JPH2: variants seen among roughly 807,000 people sequenced by gnomAD.
JPH2 encodes junctophilin 2.
A neutral mutation model predicts 55.9 loss-of-function variants in JPH2; 38 were observed. The ratio of observed to expected loss-of-function variants is 0.68; its 90% CI spans 0.52 to 0.89. JPH2 has a LOEUF of 0.89. JPH2 is among the 40% of genes least tolerant of loss of function. The probability of loss-of-function intolerance (pLI) is 0.00; values close to 1 mark genes in which losing one functional copy is unlikely to be tolerated. For missense variants in JPH2, 964 were observed against 1,037.6 expected (o/e 0.93, Z 0.97); for synonymous variants, 480 against 472.4 (o/e 1.02, Z -0.21).
At position 44,183,997 on chromosome 20, in the gene JPH2, TA is replaced by T. The variant is rs1366694338; in HGVS notation, c.379+2329del. On this transcript the variant is annotated intron_variant, in intron 1 of 5. Transcript: ENST00000372980. ...CAAAATCCCATTTCTACCAAAAAAT[TA>T]AAAAAAAAAAAATTAGCCAGGTGAG... Among the ~76,000 whole-genome samples, 1,067 of 142,244 alleles carry T rather than the reference TA, an allele frequency of 7.5e-3. 13 individuals carry two copies. Among genetic ancestry groups the T allele is most frequent in the East Asian group, 0.05 (248 of 4,962 alleles). The allele number at this position is 142,244 out of a possible 152,430, so 93.3% of individuals were successfully genotyped here. A position where few individuals can be genotyped will look rare whatever the true frequency, so the allele number is the denominator to read the frequency against.
intron 2 of JPH2, among the ~76,000 whole-genome samples, chr20:44,145,036 G>A (rs1298632220): frequency 6.6e-6 from 1 of 152,222 alleles, no homozygotes; most frequent in East Asian, 1.9e-4. Flanking sequence ...AGGCCAGTGA[G>A]AGTGCAGGAC....
intron 1 of JPH2, among the ~76,000 whole-genome samples, chr20:44,161,646 A>G (rs539708687): frequency 1.3e-5 from 2 of 151,962 alleles, no homozygotes; most frequent in African/African-American, 4.8e-5. Context: ...GAAAGCAAAG[A>G]TATGTGTGTG....
chr20:44,159,568 C>T lies in JPH2; in HGVS notation c.1169+50G>A. On this transcript the variant is annotated intron_variant, in intron 2 of 5. Coordinates refer to ENST00000372980, the MANE Select transcript of JPH2 (RefSeq NM_020433.5). The surrounding 1 kb of genome is among the most constrained non-coding windows in gnomAD (Gnocchi z 5.7). ...CTCCTAGGTTGCCCTGCCCCAGGAC[C>T]CCCTTCTCCGAGGGGAGGCGACCCC... The T allele has an allele frequency of 6.4e-7, 1 of 1,551,512 alleles. No individual in the cohort carries two copies. The highest frequency in any genetic ancestry group is 8.7e-7 in the Non-Finnish European group (1 of 1,151,392).
At chr20:44,119,777 G>C (rs2072221510) in intron 2 of JPH2, among the ~76,000 whole-genome samples, 1 of 151,746 alleles carries the variant, frequency 6.6e-6, no homozygotes, top group African/African-American at 2.4e-5. Flanking sequence ...GGGAGGCTAA[G>C]GCAGGAGAAT....
intron 1 of JPH2, among the ~76,000 whole-genome samples, chr20:44,173,775 G>T (rs1396381643): frequency 6.6e-6 from 1 of 152,098 alleles, no homozygotes; most frequent in Admixed American, 6.6e-5. Context: ...TTAGCCTGGC[G>T]TGGTGGCGCA....
chr20:44,140,375 G>A (rs1482106851), intron 2 of JPH2, among the ~76,000 whole-genome samples: 1 of 152,112 alleles, frequency 6.6e-6, no homozygotes, highest in Non-Finnish European at 1.5e-5. Context: ...CACCCTCCAC[G>A]TGGTGGGTCA....
In JPH2 at chr20:44,160,668, G is replaced by A. The variant is rs565995288; in HGVS notation, c.380-261C>T. On this transcript the variant is annotated intron_variant, in intron 1 of 5. Coordinates refer to ENST00000372980, the MANE Select transcript of JPH2 (RefSeq NM_020433.5). The surrounding 1 kb of genome is among the most constrained non-coding windows in gnomAD (Gnocchi z 4.9). ...CATGGCAAGGTCACAAGTCGTGAAC[G>A]GATAAGCTAGTGAGTTCGCATGGTA... 2.0e-5 allele frequency among the ~76,000 whole-genome samples: 3 copies of A among 152,364 alleles called. No homozygotes were observed. The highest frequency in any genetic ancestry group is 2.1e-4 in the South Asian group (1 of 4,830).
chr20:44,162,777 TATATATATATACACACACACAC>T (rs1276529804), intron 1 of JPH2, among the ~76,000 whole-genome samples: 18 of 80,488 alleles, frequency 2.2e-4, no homozygotes, highest in African/African-American at 8.9e-4. Flanking sequence ...TATATATATA[TATATATATATACACACACACAC>T]ACACACACAC....
At chr20:44,176,631 G>A (rs1432081247) in intron 1 of JPH2, among the ~76,000 whole-genome samples, 3 of 151,634 alleles carry the variant, frequency 2.0e-5, no homozygotes, top group Non-Finnish European at 2.9e-5. Flanking sequence ...GAGAAACCCC[G>A]TCTCTACAAA....
intron 1 of JPH2, chr20:44,177,924 T>C (rs2072748215): frequency 1.4e-6 from 2 of 1,442,894 alleles, no homozygotes; most frequent in African/African-American, 1.4e-5. Context: ...TGCTTCATTG[T>C]CTTGTTTCAT....
Position 44,159,504 on chromosome 20 carries a change from T to TG in JPH2, c.1169+113dup. On this transcript the variant is annotated intron_variant, in intron 2 of 5. Transcript: ENST00000372980. The surrounding 1 kb of genome is among the most constrained non-coding windows in gnomAD (Gnocchi z 5.7). ...GCCTCCAATTAACCCCTGAAGGTGA[T>TG]GGGGGTAAAAGAAGCAGAATCAGGC... is the stretch of plus-strand genomic sequence containing the variant. 9.1e-7 allele frequency: 1 copy of TG among 1,097,384 alleles called. No homozygotes were observed. The highest frequency in any genetic ancestry group is 1.3e-6 in the Non-Finnish European group (1 of 756,580). 68.0% of individuals were successfully genotyped at this position (1,097,384 alleles called of 1,614,324 possible).
chr20:44,126,164 G>GGAAGGA (rs1569186945), intron 2 of JPH2, among the ~76,000 whole-genome samples: 41 of 30,102 alleles, frequency 1.4e-3, no homozygotes, highest in African/African-American at 4.6e-3. Flanking sequence ...GGGAGGGAGG[G>GGAAGGA]AGGGAGGAAG....
At chr20:44,139,857 T>G (rs980019178) in intron 2 of JPH2, among the ~76,000 whole-genome samples, 11 of 152,100 alleles carry the variant, frequency 7.2e-5, no homozygotes, top group Non-Finnish European at 1.2e-4. Context: ...AACTGTTGGG[T>G]TTTGAACCAA....
At chr20:44,148,597 C>G (rs2867796) in intron 2 of JPH2, among the ~76,000 whole-genome samples, 1 of 152,092 alleles carries the variant, frequency 6.6e-6, no homozygotes, top group African/African-American at 2.4e-5. Context: ...GAAGGCGACC[C>G]GAGCTGCCGC....
chr20:44,129,282 C>T (rs1468596232), intron 2 of JPH2, among the ~76,000 whole-genome samples: 4 of 152,114 alleles, frequency 2.6e-5, no homozygotes, highest in African/African-American at 9.7e-5. Context: ...CGGCCGGGCG[C>T]GGCGGCTCAC....
At chr20:44,174,914 G>GC (rs1166028579) in intron 1 of JPH2, among the ~76,000 whole-genome samples, 2 of 152,048 alleles carry the variant, frequency 1.3e-5, no homozygotes, top group African/African-American at 4.8e-5. Context: ...GATTGCTTGA[G>GC]CCCCCCGTGC....
Position 44,177,892 on chromosome 20 carries a change from A to G in JPH2, c.379+8435T>C. 5 of 1,595,380 alleles carry G rather than the reference A, an allele frequency of 3.1e-6. No individual in the cohort carries two copies. The South Asian group carries it at 5.5e-5, about 18-fold the overall frequency. On this transcript the variant is annotated intron_variant, in intron 1 of 5. Transcript: ENST00000372980. ...GGGAATATATATTTTGGCATTTCCTATGTGCCAGGCATGATGCTCAGTGCT... is the reference window on the plus strand; with the variant it reads ...GGGAATATATATTTTGGCATTTCCTGTGTGCCAGGCATGATGCTCAGTGCT...
chr20:44,124,288 G>A (rs1366650381), intron 2 of JPH2, among the ~76,000 whole-genome samples: 1 of 151,924 alleles, frequency 6.6e-6, no homozygotes, highest in Non-Finnish European at 1.5e-5. Flanking sequence ...TGGCTTTATG[G>A]GGCCAAAGGG....
chr20:44,173,411 A>G (rs2072711660), intron 1 of JPH2, among the ~76,000 whole-genome samples: 4 of 152,036 alleles, frequency 2.6e-5, no homozygotes, highest in Admixed American at 2.6e-4. Flanking sequence ...TCGACTTCCT[A>G]TAATTTCATC....
Sources: allele counts gnomAD v4.1 joint callset (sites outside exome capture counted in the v4.1 genomes callset), GRCh38; gene constraint gnomAD v4.1.1; non-coding constraint Gnocchi (gnomAD v3.1); transcripts MANE v1.5; gene names NCBI Gene and HGNC (gene_info 2026-07-23, HGNC 2026-07-21).